ODAD3: variants seen among roughly 807,000 people sequenced by gnomAD.
ODAD3 encodes the protein outer dynein arm docking complex subunit 3, also known as outer dynein arm-docking complex subunit 3.
In ODAD3, 57 loss-of-function variants were observed where a neutral mutation model predicts 70.9. The ratio of observed to expected loss-of-function variants is 0.80; its 90% confidence interval spans 0.65 to 1.00. The LOEUF (loss-of-function observed/expected upper bound fraction) is 1.00. ODAD3 is among the 50% of genes least tolerant of loss of function. The probability of loss-of-function intolerance (pLI) is 0.00; values close to 1 mark genes in which losing one functional copy is unlikely to be tolerated. For missense variants in ODAD3, 797 were observed against 763.9 expected (o/e 1.04, Z -0.51); for synonymous variants, 327 against 315.9 (o/e 1.04, Z -0.37).
rs1304330148 is a variant in ODAD3, at chr19:11,420,921, C to G, written c.1702G>C (p.Glu568Gln). 5 of 1,613,870 alleles carry G rather than the reference C, an allele frequency of 3.1e-6. No individual in the cohort carries two copies. The South Asian group carries it at 4.4e-5, about 14-fold the overall frequency. The change falls in exon 13 of 13, where the codon GAG (glutamate) becomes CAG (glutamine). Residue 568 changes from glutamate to glutamine, a missense_variant. Coordinates refer to ENST00000356392, the MANE Select transcript of ODAD3 (RefSeq NM_145045.5). ...FDEESEEEDN[E>Q]VVTRASLKIR... ...TTGAGTGATGCGCGGGTCACTACCT[C>G]GTTGTCCTCCTCCTCACTCTCTTCG...
chr19:11,426,634 A>AGC (rs751443447), intron 5 of ODAD3, 49 bp downstream of exon 5: 1 of 1,613,510 alleles, frequency 6.2e-7, no homozygotes, highest in South Asian at 1.1e-5. Context: ...TCCCTAGCCA[A>AGC]GCCCGCCCTC....
intron 6 of ODAD3, 43 bp downstream of exon 6, chr19:11,426,403 C>G (rs979187793): frequency 2.5e-6 from 4 of 1,612,252 alleles, no homozygotes; most frequent in Admixed American, 3.3e-5. Flanking sequence ...GCTGGGAGAC[C>G]GCGGCAGCTG....
intron 11 of ODAD3, 151 bp downstream of exon 11, chr19:11,421,526 T>C (rs1188695706): frequency 1.0e-5 from 11 of 1,086,704 alleles, no homozygotes; most frequent in African/African-American, 1.6e-5. Context: ...GGCTCACCCC[T>C]GGCTCGTCAA....
chr19:11,432,799 CT>C (rs909160129), intron 1 of ODAD3, among the ~76,000 whole-genome samples: 124 of 145,560 alleles, frequency 8.5e-4, no homozygotes, highest in Middle Eastern at 3.6e-3. Context: ...CAAGATTACC[CT>C]TTTTTTTTTT....
Position 11,426,875 on chromosome 19 carries a change from T to G in ODAD3, c.610A>C (p.Lys204Gln). ...CTGCAGGCCTCACCCGCCCCTACCT[T>G]GGCCACCTCCGTGTGTCTGTTTTGC... ...EAQNRHTEVA[K>Q]TMRNLENRLE... The change falls in exon 4 of 13, where the codon AAG (lysine) becomes CAG (glutamine). Residue 204 changes from lysine to glutamine, a missense_variant and splice_region_variant. Coordinates refer to ENST00000356392, the MANE Select transcript of ODAD3 (RefSeq NM_145045.5). 1.2e-6 allele frequency: 2 copies of G among 1,609,762 alleles called. No individual in the cohort carries two copies. The highest frequency in any genetic ancestry group is 8.5e-7 in the Non-Finnish European group (1 of 1,177,290).
chr19:11,420,933 C>T lies in ODAD3; in HGVS notation c.1690G>A (p.Glu564Lys), dbSNP rs748012467. The change falls in exon 13 of 13, where the codon GAG becomes AAG. Residue 564 changes from glutamate to lysine, a missense_variant. Physicochemically the swap from Glu to Lys is moderately conservative, Grantham distance 56 (BLOSUM62 1). Transcript: ENST00000356392. ...CGGGTCACTACCTCGTTGTCCTCCT[C>T]CTCACTCTCTTCGTCTAAGGGGGGT... is the stretch of plus-strand genomic sequence containing the variant. Reference protein sequence around the residue: ...KDKFFDEESEEEDNEVVTRAS... With the variant: ...KDKFFDEESEKEDNEVVTRAS... The T allele has an allele frequency of 4.3e-6, 7 of 1,613,976 alleles. No individual in the cohort carries two copies. The East Asian group carries it at 1.6e-4, about 36-fold the overall frequency.
Position 11,434,977 on chromosome 19 carries a change from G to A in ODAD3, c.40C>T (p.Leu14=). The change falls in exon 1 of 13, where the codon CTG becomes TTG. Residue 14 remains leucine (L), a synonymous_variant. Coordinates refer to ENST00000356392, the MANE Select transcript of ODAD3 (RefSeq NM_145045.5). The stretch of plus-strand genomic sequence containing the variant: ...GTCGAAGCCTGGTCCTGAGGAGGCA[G>A]GGCGTTGGCGGAGGCCGCCCTGCAC... The part of the protein sequence containing the change: ...PLCRAASANA[L]PPQDQASTPS... 6.2e-7 allele frequency: 1 copy of A among 1,613,350 alleles called. No homozygotes were observed. The highest frequency in any genetic ancestry group is 8.5e-7 in the Non-Finnish European group (1 of 1,180,030).
chr19:11,420,710 C>T lies in ODAD3; in HGVS notation c.*125G>A, dbSNP rs1969109539. On this transcript the variant is annotated 3_prime_UTR_variant, in exon 13 of 13. Transcript: ENST00000356392. ...CGGCCCCTTCCTCCCCTCCGGGCGC[C>T]GCTGGCCGCCTCCGTTCCCGGTCCG... is the stretch of plus-strand genomic sequence containing the variant. The T allele has an allele frequency of 1.3e-6, 1 of 761,398 alleles. No homozygotes were observed. The highest frequency in any genetic ancestry group is 2.2e-6 in the Non-Finnish European group (1 of 459,612). The allele number at this position is 761,398 out of a possible 1,614,324, so 47.2% of individuals were successfully genotyped here. A position where few individuals can be genotyped will look rare whatever the true frequency, so the allele number is the denominator to read the frequency against.
chr19:11,429,855 T>TTTA (rs1437810004), intron 3 of ODAD3, among the ~76,000 whole-genome samples: 1 of 148,384 alleles, frequency 6.7e-6, no homozygotes, highest in African/African-American at 2.5e-5. Context: ...TTTTTTTTTT[T>TTTA]AAAGAAACAG....
intron 3 of ODAD3, among the ~76,000 whole-genome samples, chr19:11,427,736 C>G (rs1969415613): frequency 1.3e-5 from 2 of 152,074 alleles, no homozygotes; most frequent in African/African-American, 2.4e-5. Context: ...CCTGCCTCGG[C>G]CTCCGAAAGT....
At chr19:11,429,404 AT>A (rs1969456956) in intron 3 of ODAD3, among the ~76,000 whole-genome samples, 1 of 148,766 alleles carries the variant, frequency 6.7e-6, no homozygotes, top group Non-Finnish European at 1.5e-5. Flanking sequence ...TTTTTATTTT[AT>A]TTTTTATTTA....
At position 11,426,233 on chromosome 19, in the gene ODAD3, G is replaced by C; in HGVS notation, c.874C>G (p.Arg292Gly). The C allele has an allele frequency of 1.2e-6, 2 of 1,613,856 alleles. No homozygotes were observed. The highest frequency in any genetic ancestry group is 1.7e-6 in the Non-Finnish European group (2 of 1,179,950). Residue 292 changes from arginine to glycine, a missense_variant, in exon 7 of 13, where the codon CGA (arginine) becomes GGA (glycine). Arg to Gly is a moderately radical substitution (Grantham distance 125, BLOSUM62 -2). Coordinates refer to ENST00000356392, the MANE Select transcript of ODAD3 (RefSeq NM_145045.5). ...QLQYLEETLV[R>G]ERKKRERYIS... The stretch of plus-strand genomic sequence containing the variant: ...TAGCGTTCCCGCTTCTTGCGCTCTC[G>C]AACCAAGGTCTCCTCTAGGTACTGC...
upstream of ODAD3, chr19:11,435,246 G>T: frequency 7.3e-7 from 1 of 1,365,116 alleles, no homozygotes; most frequent in Non-Finnish European, 9.6e-7. Flanking sequence ...GTTCTCATTG[G>T]CTGAGGCTGC....
At chr19:11,431,068 A>T (rs1465530943) in intron 1 of ODAD3, 48 bp from the exon 2 acceptor site, 1 of 1,607,910 alleles carries the variant, frequency 6.2e-7, no homozygotes, top group South Asian at 1.1e-5. Context: ...GGGTGGGTGC[A>T]TGGGTGCAAC....
chr19:11,430,974 C>T lies in ODAD3; in HGVS notation c.291G>A (p.Lys97=). 1 of 1,614,106 alleles carries T rather than the reference C, an allele frequency of 6.2e-7. No individual in the cohort carries two copies. ...GCTGACTGATGGTCTCCTGGTTCTTCTTGATGTTCCACTGAGAGCTCTCAA... is the reference window on the plus strand; with the variant it reads ...GCTGACTGATGGTCTCCTGGTTCTTTTTGATGTTCCACTGAGAGCTCTCAA... ...AFFESSQWNI[K]KNQETISQLR... The change falls in exon 2 of 13, where the codon AAG becomes AAA. Residue 97 remains lysine, a synonymous_variant. Coordinates refer to ENST00000356392, the MANE Select transcript of ODAD3 (RefSeq NM_145045.5).
chr19:11,424,365 G>A (rs1422287531), intron 7 of ODAD3, among the ~76,000 whole-genome samples: 3 of 151,710 alleles, frequency 2.0e-5, no homozygotes, highest in African/African-American at 7.3e-5. Context: ...TTAGCAGGGC[G>A]TGGTGGGGCG....
intron 7 of ODAD3, among the ~76,000 whole-genome samples, chr19:11,425,111 G>T (rs1241535247): frequency 7.6e-6 from 1 of 132,332 alleles, no homozygotes; most frequent in Non-Finnish European, 1.5e-5. Flanking sequence ...ATGTATATAT[G>T]TGTATATGTA....
upstream of ODAD3, chr19:11,435,605 G>A: frequency 9.5e-7 from 1 of 1,053,290 alleles, no homozygotes; most frequent in Non-Finnish European, 1.3e-6. Context: ...CGTACGACCG[G>A]AAGTGACGGG....
intron 3 of ODAD3, 38 bp from the exon 4 acceptor site, chr19:11,427,078 A>T: frequency 6.6e-7 from 1 of 1,513,844 alleles, no homozygotes; most frequent in Non-Finnish European, 8.8e-7. Context: ...GAGCCTCAAC[A>T]CCCTACCCCG....
Sources: gnomAD v4.1 joint callset for allele counts (sites outside exome capture counted in the v4.1 genomes callset) on GRCh38, gnomAD v4.1.1 for gene constraint, MANE v1.5 for transcripts, NCBI Gene and HGNC (gene_info 2026-07-23, HGNC 2026-07-21) for gene names.